LINC00305: variants seen among roughly 807,000 people sequenced by gnomAD.
LINC00305 encodes long intergenic non-protein coding RNA 305.
chr18:64,086,240 T>C (rs1454513329), intron 3 of LINC00305, among the ~76,000 whole-genome samples: 1 of 152,254 alleles, frequency 6.6e-6, no homozygotes, highest in Non-Finnish European at 1.5e-5. Context: ...ATAAGCTTGA[T>C]TGTAATCCAT....
intron 1 of LINC00305, among the ~76,000 whole-genome samples, chr18:64,142,231 A>T (rs186366784): frequency 1.6e-3 from 245 of 152,166 alleles, no homozygotes; most frequent in African/African-American, 5.7e-3. Context: ...GGGTATGGAG[A>T]CTAGGTTATA....
intron 1 of LINC00305, among the ~76,000 whole-genome samples, chr18:64,132,858 CT>C (rs546546385): frequency 7.4e-4 from 113 of 152,260 alleles, no homozygotes; most frequent in Non-Finnish European, 1.5e-3. Context: ...TGGCTTCTGC[CT>C]TAGTCTTTTG....
intron 1 of LINC00305, among the ~76,000 whole-genome samples, chr18:64,106,379 C>T (rs917042889): frequency 6.6e-6 from 1 of 152,192 alleles, no homozygotes; most frequent in Non-Finnish European, 1.5e-5. Flanking sequence ...CTTTACTCCA[C>T]ACCTGCTCCT....
chr18:64,104,986 T>C, intron 1 of LINC00305, among the ~76,000 whole-genome samples: 1 of 152,034 alleles, frequency 6.6e-6, no homozygotes, highest in East Asian at 1.9e-4. Flanking sequence ...CATGCTGTTC[T>C]TGGTCTCCTT....
chr18:64,138,573 A>C (rs924211784), intron 1 of LINC00305, among the ~76,000 whole-genome samples: 3 of 152,070 alleles, frequency 2.0e-5, no homozygotes, highest in Admixed American at 1.3e-4. Flanking sequence ...GTTGGTTTGC[A>C]ATTTCTTTTC....
In LINC00305 at chr18:64,123,766, G is replaced by T. The variant is rs555954662; in HGVS notation, n.314+25009C>A. Reference sequence around the variant, plus strand: ...CAAGGTGGCAATGTTGGAAGGCAGGGCCTGGTAGGAGGTATTTGGGTCATG... The same window carrying T: ...CAAGGTGGCAATGTTGGAAGGCAGGTCCTGGTAGGAGGTATTTGGGTCATG... On this transcript the variant is annotated intron_variant and non_coding_transcript_variant, in intron 1 of 3. Transcript: ENST00000666468. 2.0e-5 allele frequency among the ~76,000 whole-genome samples: 3 copies of T among 152,184 alleles called. No individual in the cohort carries two copies. In the South Asian group the frequency reaches 6.2e-4, roughly 32 times the overall value.
intron 1 of LINC00305, among the ~76,000 whole-genome samples, chr18:64,124,576 G>A (rs1342069649): frequency 6.6e-6 from 1 of 151,992 alleles, no homozygotes; most frequent in Non-Finnish European, 1.5e-5. Flanking sequence ...TGTCCCAATG[G>A]CTCTTCCTAG....
At chr18:64,105,199 G>A (rs1189294556) in intron 1 of LINC00305, among the ~76,000 whole-genome samples, 1 of 152,082 alleles carries the variant, frequency 6.6e-6, no homozygotes, top group African/African-American at 2.4e-5. Context: ...GGTGTCTCAC[G>A]GCTGTAATCC....
chr18:64,138,252 C>T (rs764775111), intron 1 of LINC00305, among the ~76,000 whole-genome samples: 2 of 152,050 alleles, frequency 1.3e-5, no homozygotes, highest in Non-Finnish European at 2.9e-5. Flanking sequence ...CTCATTACCT[C>T]TTTTTTTCCC....
exon 4 of LINC00305, chr18:64,080,085 A>T (rs1219106798): frequency 5.7e-6 from 1 of 174,904 alleles, no homozygotes. Flanking sequence ...AGACAAATAA[A>T]TGGAGAGTGA....
chr18:64,128,781 A>G (rs773982443), intron 1 of LINC00305, among the ~76,000 whole-genome samples: 9 of 152,114 alleles, frequency 5.9e-5, no homozygotes, highest in Non-Finnish European at 1.3e-4. Context: ...CCGGTCAAAG[A>G]ACCTCCCTCA....
intron 3 of LINC00305, among the ~76,000 whole-genome samples, chr18:64,083,586 G>C (rs1377659246): frequency 6.6e-6 from 1 of 152,146 alleles, no homozygotes; most frequent in East Asian, 1.9e-4. Context: ...GGCAAGTCTT[G>C]CCCTTGGTAA....
chr18:64,104,264 C>T (rs986608378), intron 1 of LINC00305: 1 of 152,220 alleles, frequency 6.6e-6, no homozygotes, highest in Non-Finnish European at 1.5e-5. Context: ...GAGTCTCCCT[C>T]ATCCTCCTTG....
intron 3 of LINC00305, among the ~76,000 whole-genome samples, chr18:64,085,985 A>G (rs2051201810): frequency 6.6e-6 from 1 of 152,194 alleles, no homozygotes; most frequent in Admixed American, 6.5e-5. Flanking sequence ...TGTCCATAGC[A>G]TTTCATTTAG....
intron 3 of LINC00305, among the ~76,000 whole-genome samples, chr18:64,097,545 G>T (rs558349231): frequency 3.9e-5 from 6 of 151,922 alleles, no homozygotes; most frequent in Non-Finnish European, 8.8e-5. Context: ...TATAATTTCA[G>T]ATTTGCTTGT....
At chr18:64,085,177 C>T (rs1004728996) in intron 3 of LINC00305, among the ~76,000 whole-genome samples, 4 of 152,120 alleles carry the variant, frequency 2.6e-5, no homozygotes, top group Admixed American at 2.0e-4. Context: ...TCAAGAAGGC[C>T]CCTTTCATCC....
intron 3 of LINC00305, among the ~76,000 whole-genome samples, chr18:64,092,210 G>T (rs569143036): frequency 6.6e-6 from 1 of 152,300 alleles, no homozygotes; most frequent in South Asian, 2.1e-4. Flanking sequence ...CTTTTCAACA[G>T]CAACTGCATG....
chr18:64,115,660 C>T (rs936702104), intron 1 of LINC00305, among the ~76,000 whole-genome samples: 2 of 152,112 alleles, frequency 1.3e-5, no homozygotes, highest in African/African-American at 4.8e-5. Context: ...CTCAATGTTC[C>T]TCTCAGCTTT....
chr18:64,088,064 C>T (rs984922122), intron 3 of LINC00305, among the ~76,000 whole-genome samples: 12 of 152,092 alleles, frequency 7.9e-5, no homozygotes, highest in Admixed American at 6.5e-4. Flanking sequence ...CGGAGCTTGC[C>T]GGGAGGCGGA....
Sources: allele counts gnomAD v4.1 joint callset (sites outside exome capture counted in the v4.1 genomes callset), GRCh38; gene constraint gnomAD v4.1.1; transcripts MANE v1.5; gene names NCBI Gene and HGNC (gene_info 2026-07-23, HGNC 2026-07-21).